Variants in EPHA6 observed in about 807,000 individuals in gnomAD.
The protein encoded by EPHA6 is EPH receptor A6, also known as ephrin type-A receptor 6.
Under a neutral mutation model 112.0 loss-of-function variants are expected in EPHA6, and 50 were observed. The ratio of observed to expected loss-of-function variants is 0.45; its 90% CI spans 0.36 to 0.56. The LOEUF (loss-of-function observed/expected upper bound fraction) is 0.56. EPHA6 is among the 20% of genes least tolerant of loss of function. The pLI, the probability that EPHA6 is intolerant of heterozygous loss-of-function variation, is 0.00. For synonymous variants in EPHA6, 529 were observed against 490.7 expected, an observed-to-expected ratio of 1.08 and a Z score of -1.03; for missense variants, 1,280 against 1,417.4, an observed-to-expected ratio of 0.90 and a Z score of 1.56.
chr3:97,514,545 A>T (rs1230285711), intron 10 of EPHA6, among the ~76,000 whole-genome samples: 1 of 152,198 alleles, frequency 6.6e-6, no homozygotes, highest in East Asian at 1.9e-4. Flanking sequence ...CCACAGCTCC[A>T]TAATGAATTA....
At chr3:97,111,577 A>G (rs2047725829) in intron 3 of EPHA6, among the ~76,000 whole-genome samples, 1 of 152,096 alleles carries the variant, frequency 6.6e-6, no homozygotes, top group Admixed American at 6.6e-5. Flanking sequence ...TTTCCCTGGA[A>G]ACAAAATGTA....
At chr3:97,450,974 T>C in intron 7 of EPHA6, among the ~76,000 whole-genome samples, 1 of 151,982 alleles carries the variant, frequency 6.6e-6, no homozygotes, top group Non-Finnish European at 1.5e-5. Context: ...GGTGAGAGGC[T>C]GGGGTTCTTT....
At chr3:97,264,180 T>C (rs541674009) in intron 5 of EPHA6, among the ~76,000 whole-genome samples, 1 of 152,338 alleles carries the variant, frequency 6.6e-6, no homozygotes, top group African/African-American at 2.4e-5. Context: ...CAAGTTTTGC[T>C]CAGGCCCACT....
chr3:97,285,313 T>C (rs2080427464), intron 5 of EPHA6, among the ~76,000 whole-genome samples: 2 of 152,136 alleles, frequency 1.3e-5, no homozygotes, highest in Non-Finnish European at 2.9e-5. Context: ...TATCAAATAT[T>C]AGAACTTAAT....
intron 7 of EPHA6, among the ~76,000 whole-genome samples, chr3:97,461,642 G>A (rs2090892387): frequency 6.6e-6 from 1 of 152,040 alleles, no homozygotes; most frequent in Non-Finnish European, 1.5e-5. Flanking sequence ...CCATATAAAA[G>A]CAATCAAATC....
intron 5 of EPHA6, among the ~76,000 whole-genome samples, chr3:97,396,342 C>T (rs1358577162): frequency 6.8e-6 from 1 of 147,126 alleles, no homozygotes. Flanking sequence ...TTATAGCTGA[C>T]TGAGAATTAG....
chr3:97,661,418 G>T (rs2094169108), intron 14 of EPHA6, among the ~76,000 whole-genome samples: 1 of 152,046 alleles, frequency 6.6e-6, no homozygotes, highest in Non-Finnish European at 1.5e-5. Flanking sequence ...TGTGGGTGGG[G>T]CCCTATTACT....
intron 5 of EPHA6, among the ~76,000 whole-genome samples, chr3:97,402,782 A>G (rs1041524750): frequency 2.0e-5 from 3 of 152,166 alleles, no homozygotes; most frequent in Non-Finnish European, 4.4e-5. Flanking sequence ...AACAGCCAGA[A>G]AGAGTTTTAA....
intron 11 of EPHA6, among the ~76,000 whole-genome samples, chr3:97,570,388 T>A (rs976704867): frequency 4.6e-5 from 7 of 152,150 alleles, no homozygotes; most frequent in African/African-American, 1.2e-4. Flanking sequence ...CACCTCAATC[T>A]GCCTTAAACA....
At chr3:97,420,816 C>T (rs1451780285) in intron 6 of EPHA6, among the ~76,000 whole-genome samples, 2 of 148,578 alleles carry the variant, frequency 1.3e-5, no homozygotes, top group Non-Finnish European at 3.0e-5. Context: ...CCAACCAAAC[C>T]AGCTAAGTAT....
At chr3:97,592,779 G>T in intron 12 of EPHA6, 42 bp downstream of exon 12, 1 of 1,523,370 alleles carries the variant, frequency 6.6e-7, no homozygotes, top group Non-Finnish European at 8.8e-7. Context: ...ATATACAGCA[G>T]TAGGATTGTG....
chr3:97,113,566 G>A (rs1051993810), intron 3 of EPHA6, among the ~76,000 whole-genome samples: 2 of 152,210 alleles, frequency 1.3e-5, no homozygotes, highest in East Asian at 1.9e-4. Context: ...TGTGTCATCA[G>A]CAGGCAACAC....
intron 5 of EPHA6, among the ~76,000 whole-genome samples, chr3:97,331,669 C>T (rs1162444235): frequency 1.3e-5 from 2 of 152,158 alleles, no homozygotes; most frequent in Non-Finnish European, 2.9e-5. Flanking sequence ...TTCCTCGACA[C>T]ATACCCCCTC....
At chr3:97,094,229 A>G (rs566696668) in intron 3 of EPHA6, among the ~76,000 whole-genome samples, 2 of 152,274 alleles carry the variant, frequency 1.3e-5, no homozygotes, top group South Asian at 4.1e-4. Flanking sequence ...TGTAAACTAC[A>G]TATCTGTTTT....
At chr3:96,836,787 C>T (rs1453754123) in intron 1 of EPHA6, among the ~76,000 whole-genome samples, 1 of 152,148 alleles carries the variant, frequency 6.6e-6, no homozygotes, top group Non-Finnish European at 1.5e-5. Context: ...TCTGACAGTG[C>T]ACCTTATTCT....
intron 5 of EPHA6, among the ~76,000 whole-genome samples, chr3:97,372,436 T>G (rs183972638): frequency 6.6e-6 from 1 of 152,246 alleles, no homozygotes; most frequent in Admixed American, 6.5e-5. Flanking sequence ...ACTTTCAGAT[T>G]CATACTTTAA....
At chr3:97,723,978 A>G (rs1471940310) in intron 15 of EPHA6, among the ~76,000 whole-genome samples, 2 of 152,120 alleles carry the variant, frequency 1.3e-5, no homozygotes, top group East Asian at 3.9e-4. Context: ...TTTCTCATTT[A>G]TTTGATCAAA....
intron 10 of EPHA6, among the ~76,000 whole-genome samples, chr3:97,484,541 C>T (rs2091649557): frequency 6.6e-6 from 1 of 152,132 alleles, no homozygotes; most frequent in Admixed American, 6.6e-5. Context: ...AATCTTAGAA[C>T]ATTTTATTAT....
chr3:97,423,245 C>A (rs1423429557), intron 6 of EPHA6, among the ~76,000 whole-genome samples: 2 of 152,128 alleles, frequency 1.3e-5, no homozygotes, highest in East Asian at 3.9e-4. Context: ...AATTTTATAG[C>A]CAGAAAACCC....
Sources: allele counts gnomAD v4.1 joint callset (sites outside exome capture counted in the v4.1 genomes callset), GRCh38; gene constraint gnomAD v4.1.1; transcripts MANE v1.5; gene names NCBI Gene and HGNC (gene_info 2026-07-23, HGNC 2026-07-21).